FAM222A: variants seen among roughly 807,000 people sequenced by gnomAD.
The protein encoded by FAM222A is protein FAM222A.
Under a neutral mutation model 25.8 loss-of-function variants are expected in FAM222A, and 7 were observed. The ratio of observed to expected loss-of-function variants is 0.27; its 90% confidence interval spans 0.15 to 0.51. FAM222A has a LOEUF of 0.51. FAM222A is among the 20% of genes least tolerant of loss of function. FAM222A has a pLI of 0.97. For missense variants in FAM222A, 573 were observed against 640.5 expected (o/e 0.89, Z 1.14); for synonymous variants, 294 against 298.8 (o/e 0.98, Z 0.17).
In FAM222A at chr12:109,713,928, G is replaced by C. The variant is rs1439040894; in HGVS notation, c.-1016G>C. On this transcript the variant is annotated 5_prime_UTR_variant, in exon 1 of 3. Coordinates refer to ENST00000538780, the MANE Select transcript of FAM222A (RefSeq NM_032829.3). ...AGGCGGACAGCCGGGCCCGGCGCCT[G>C]TGGGGCGCGGCGCGCGGCACCCGGG... 6.8e-6 allele frequency among the ~76,000 whole-genome samples: 1 copy of C among 146,330 alleles called. No homozygotes were observed. The highest frequency in any genetic ancestry group is 1.5e-5 in the Non-Finnish European group (1 of 65,836).
intron 2 of FAM222A, among the ~76,000 whole-genome samples, chr12:109,764,796 G>A (rs952286345): frequency 4.6e-5 from 7 of 151,896 alleles, no homozygotes; most frequent in African/African-American, 1.7e-4. Context: ...CTTTTTTGCG[G>A]GACTCTCCGA....
At chr12:109,745,215 A>G (rs1344376094) in intron 2 of FAM222A, among the ~76,000 whole-genome samples, 2 of 152,320 alleles carry the variant, frequency 1.3e-5, no homozygotes, top group African/African-American at 4.8e-5. Context: ...GCAAATATGT[A>G]TGGAGACGCA....
intron 1 of FAM222A, among the ~76,000 whole-genome samples, chr12:109,735,169 C>T (rs7307171): frequency 0.38 from 58,352 of 152,084 alleles, 11,427 homozygotes; most frequent in Admixed American, 0.47. Context: ...ACTGCGTCTT[C>T]TAAACACTCT....
chr12:109,760,110 T>TGCACCAGTGG (rs1242950641), intron 2 of FAM222A, among the ~76,000 whole-genome samples: 2 of 152,110 alleles, frequency 1.3e-5, no homozygotes, highest in Admixed American at 6.6e-5. Flanking sequence ...CTGTGTACCA[T>TGCACCAGTGG]GCACCAGTGG....
At chr12:109,765,964 A>C (rs1279652202) in intron 2 of FAM222A, among the ~76,000 whole-genome samples, 3 of 152,220 alleles carry the variant, frequency 2.0e-5, no homozygotes, top group Non-Finnish European at 4.4e-5. Flanking sequence ...CTTGGGAAGT[A>C]GTATTAGCAG....
At position 109,768,366 on chromosome 12, in the gene FAM222A, C is replaced by T. The variant is rs373050932; in HGVS notation, c.437C>T (p.Ala146Val). 7 of 1,595,262 alleles carry T rather than the reference C, an allele frequency of 4.4e-6. No individual in the cohort carries two copies. The highest frequency in any genetic ancestry group is 5.1e-6 in the Non-Finnish European group (6 of 1,175,242). The change falls in exon 3 of 3, where the codon GCG (alanine) becomes GTG (valine). Residue 146 changes from alanine to valine, a missense_variant. Transcript: ENST00000538780. ...LSPAAVQVGI[A>V]PYPVPSTLGP... is the part of the protein sequence containing the mutation. ...CCGGCCGCCGTGCAGGTGGGCATTGCGCCCTACCCAGTGCCCAGCACTCTG... is the reference window on the plus strand; with the variant it reads ...CCGGCCGCCGTGCAGGTGGGCATTGTGCCCTACCCAGTGCCCAGCACTCTG...
chr12:109,720,537 G>A (rs371644388), intron 1 of FAM222A, among the ~76,000 whole-genome samples: 66 of 152,350 alleles, frequency 4.3e-4, no homozygotes, highest in Middle Eastern at 6.8e-3. Context: ...GCAGATCTCC[G>A]TCTCTTCATC....
chr12:109,714,246 C>A lies in FAM222A; in HGVS notation c.-698C>A. 5.0e-6 allele frequency: 1 copy of A among 198,096 alleles called. No individual in the cohort carries two copies. The highest frequency in any genetic ancestry group is 1.0e-5 in the Non-Finnish European group (1 of 97,500). 12.3% of individuals were successfully genotyped at this position (198,096 alleles called of 1,614,324 possible). A position where few individuals can be genotyped will look rare whatever the true frequency, so the allele number is the denominator to read the frequency against. ...CCGCCGCCGCTGTTCGCCGGCTTCC[C>A]CTCCCCCCACACCCGGGGCTCAGAG... On this transcript the variant is annotated 5_prime_UTR_variant, in exon 1 of 3. Coordinates refer to ENST00000538780, the MANE Select transcript of FAM222A (RefSeq NM_032829.3). The surrounding 1 kb of genome is among the most constrained non-coding windows in gnomAD (Gnocchi z 4.2).
intron 1 of FAM222A, among the ~76,000 whole-genome samples, chr12:109,741,684 C>G (rs1490831921): frequency 1.3e-5 from 2 of 152,232 alleles, no homozygotes; most frequent in Admixed American, 6.5e-5. Context: ...GGCCAGGACT[C>G]TGGAAGAAAG....
At chr12:109,721,603 A>G (rs1887747369) in intron 1 of FAM222A, among the ~76,000 whole-genome samples, 1 of 152,178 alleles carries the variant, frequency 6.6e-6, no homozygotes, top group Admixed American at 6.5e-5. Flanking sequence ...CAATGAGCTC[A>G]GGGTGCCTCT....
intron 1 of FAM222A, among the ~76,000 whole-genome samples, chr12:109,719,704 C>G (rs1887713292): frequency 6.6e-6 from 1 of 151,872 alleles, no homozygotes; most frequent in African/African-American, 2.4e-5. Context: ...GTTTGGAGAC[C>G]CGGGAGCATG....
chr12:109,754,029 C>G (rs1169894461), intron 2 of FAM222A, among the ~76,000 whole-genome samples: 6 of 152,138 alleles, frequency 3.9e-5, no homozygotes, highest in Non-Finnish European at 8.8e-5. Flanking sequence ...GATCTCAACC[C>G]TGTTTAGGAT....
intron 2 of FAM222A, among the ~76,000 whole-genome samples, chr12:109,757,834 G>A (rs963680426): frequency 6.6e-6 from 1 of 152,196 alleles, no homozygotes; most frequent in Non-Finnish European, 1.5e-5. Context: ...GTAGGTCTAT[G>A]TCTGGAGAAG....
At chr12:109,728,803 CAA>C (rs1267203233) in intron 1 of FAM222A, among the ~76,000 whole-genome samples, 1 of 152,212 alleles carries the variant, frequency 6.6e-6, no homozygotes, top group African/African-American at 2.4e-5. Flanking sequence ...GAGACAGACA[CAA>C]ACAGGTCAGT....
At chr12:109,744,430 C>T (rs1566191682) in intron 2 of FAM222A, 1 of 985,478 alleles carries the variant, frequency 1.0e-6, no homozygotes, top group Non-Finnish European at 1.2e-6. Context: ...TCCTGTGGAG[C>T]AAGACTCTCA....
chr12:109,761,727 T>C (rs780780073), intron 2 of FAM222A, among the ~76,000 whole-genome samples: 27 of 152,134 alleles, frequency 1.8e-4, no homozygotes, highest in Non-Finnish European at 2.6e-4. Context: ...GGCCCCTGGG[T>C]GTGGGTACTC....
At chr12:109,766,619 AG>A (rs1384936755) in intron 2 of FAM222A, among the ~76,000 whole-genome samples, 3 of 152,218 alleles carry the variant, frequency 2.0e-5, no homozygotes, top group Admixed American at 6.5e-5. Context: ...CAGGTGAGGA[AG>A]GAAGGCATAC....
At chr12:109,724,599 C>A (rs376696066) in intron 1 of FAM222A, among the ~76,000 whole-genome samples, 1 of 152,204 alleles carries the variant, frequency 6.6e-6, no homozygotes, top group Non-Finnish European at 1.5e-5. Flanking sequence ...AGAGGACTCA[C>A]CTGAAGCAAC....
At chr12:109,767,385 A>C (rs750423884) in intron 2 of FAM222A, among the ~76,000 whole-genome samples, 10 of 152,144 alleles carry the variant, frequency 6.6e-5, no homozygotes, top group Non-Finnish European at 1.2e-4. Flanking sequence ...AAAATTAGCC[A>C]GGCATGCTAG....
Sources: allele counts gnomAD v4.1 joint callset (sites outside exome capture counted in the v4.1 genomes callset), GRCh38; gene constraint gnomAD v4.1.1; non-coding constraint Gnocchi (gnomAD v3.1); transcripts MANE v1.5; gene names NCBI Gene and HGNC (gene_info 2026-07-23, HGNC 2026-07-21).